Variants in CALN1 observed in about 807,000 individuals in gnomAD.
CALN1 encodes calneuron 1.
In CALN1, 17 loss-of-function variants were observed where a neutral mutation model predicts 30.6. That is an observed-to-expected ratio of 0.56 (90% confidence interval 0.38 to 0.83). CALN1 has a LOEUF of 0.83. CALN1 is among the 40% of genes least tolerant of loss of function. The pLI is 0.00. For synonymous variants in CALN1, 156 were observed against 131.4 expected, an observed-to-expected ratio of 1.19 and a Z score of -1.28; for missense variants, 291 against 354.9, an observed-to-expected ratio of 0.82 and a Z score of 1.45.
rs182245366 is a variant in CALN1 at position 72,241,539 on chromosome 7, T to C, written c.244+37147A>G. On this transcript the variant is annotated intron_variant, in intron 3 of 6. Coordinates refer to ENST00000395275, the MANE Select transcript of CALN1 (RefSeq NM_031468.4). ...CTGACCAACATAGAGAAACCCTGTC[T>C]CTACTAAAAATACAAAATTAGCCAG... Among the ~76,000 whole-genome samples the C allele has an allele frequency of 1.4e-3, 212 of 152,102 alleles. 1 individual carries two copies. Among genetic ancestry groups the C allele is most frequent in the African/African-American group, 4.9e-3 (202 of 41,498 alleles).
In CALN1 at chr7:72,169,494, T is replaced by TTA. The variant is rs1563117072; in HGVS notation, c.245-63201_245-63200insTA. ...GCCACCACACCCAGCTGATTATTTT[T>TTA]TTTTTTTTTTCAGATACAGAATCTT... is the stretch of plus-strand genomic sequence containing the variant. On this transcript the variant is annotated intron_variant, in intron 3 of 6. Coordinates refer to ENST00000395275, the MANE Select transcript of CALN1 (RefSeq NM_031468.4). 9.8e-4 allele frequency among the ~76,000 whole-genome samples: 143 copies of TTA among 145,690 alleles called. 3 individuals are homozygous for TTA. In the Middle Eastern group the frequency reaches 0.018, roughly 18 times the overall value.
intron 2 of CALN1, among the ~76,000 whole-genome samples, chr7:72,284,066 A>G (rs1019105882): frequency 6.6e-6 from 1 of 152,196 alleles, no homozygotes; most frequent in Admixed American, 6.5e-5. Flanking sequence ...TGATGCTGGA[A>G]GATTACTTGA....
chr7:71,815,085 G>A (rs961344325), intron 5 of CALN1, among the ~76,000 whole-genome samples: 1 of 151,944 alleles, frequency 6.6e-6, no homozygotes, highest in African/African-American at 2.4e-5. Flanking sequence ...TGCCCGGCTC[G>A]GCCTCCCAAA....
chr7:71,943,256 C>A (rs1419458331), intron 5 of CALN1, among the ~76,000 whole-genome samples: 1 of 152,190 alleles, frequency 6.6e-6, no homozygotes, highest in South Asian at 2.1e-4. Flanking sequence ...TTAAAACACA[C>A]ACGCGAAACA....
chr7:72,290,615 T>C (rs932459829), intron 2 of CALN1, among the ~76,000 whole-genome samples: 1 of 152,226 alleles, frequency 6.6e-6, no homozygotes, highest in Admixed American at 6.5e-5. Flanking sequence ...GAGTGGTTAC[T>C]GGTTCTTGAA....
the CALN1 span, among the ~76,000 whole-genome samples, chr7:72,472,025 G>A: frequency 1.3e-5 from 2 of 152,126 alleles, no homozygotes; most frequent in South Asian, 4.2e-4. Flanking sequence ...CAAACCCCTG[G>A]CCTCAAGAAA....
chr7:72,464,434 A>T, the CALN1 span, among the ~76,000 whole-genome samples: 9 of 152,194 alleles, frequency 5.9e-5, no homozygotes, highest in Non-Finnish European at 1.2e-4. Context: ...GATAATAGAA[A>T]TTCATATTCC....
At chr7:72,467,066 C>T in the CALN1 span, among the ~76,000 whole-genome samples, 1 of 152,198 alleles carries the variant, frequency 6.6e-6, no homozygotes, top group South Asian at 2.1e-4. Context: ...TAACATCCTC[C>T]ATTACCCCCA....
At chr7:71,827,802 A>ATAAATAAAT (rs1789017494) in intron 5 of CALN1, among the ~76,000 whole-genome samples, 1 of 151,222 alleles carries the variant, frequency 6.6e-6, no homozygotes, top group South Asian at 2.1e-4. Flanking sequence ...AAATAAATAA[A>ATAAATAAAT]TAAATAAATA....
intron 5 of CALN1, among the ~76,000 whole-genome samples, chr7:71,828,263 G>C (rs11981390): frequency 0.028 from 4,269 of 152,124 alleles, 209 homozygotes; most frequent in African/African-American, 0.097. Flanking sequence ...GAATGTGTGA[G>C]AACTCCAGAG....
intron 5 of CALN1, among the ~76,000 whole-genome samples, chr7:72,017,350 G>A (rs1189600569): frequency 6.6e-6 from 1 of 152,098 alleles, no homozygotes; most frequent in Non-Finnish European, 1.5e-5. Context: ...CACCAGATGA[G>A]TGAGGATTGG....
chr7:72,464,321 G>A, the CALN1 span, among the ~76,000 whole-genome samples: 2 of 152,226 alleles, frequency 1.3e-5, no homozygotes, highest in African/African-American at 2.4e-5. Flanking sequence ...AAAAAGAAGA[G>A]AAAAGGGTTT....
chr7:72,463,185 G>A, the CALN1 span, among the ~76,000 whole-genome samples: 7 of 152,244 alleles, frequency 4.6e-5, no homozygotes, highest in East Asian at 1.9e-4. Flanking sequence ...GCATTGGCAC[G>A]ATCTTGGCTC....
intron 3 of CALN1, among the ~76,000 whole-genome samples, chr7:72,228,739 A>ATT (rs1793862900): frequency 4.7e-5 from 7 of 149,252 alleles, no homozygotes; most frequent in Non-Finnish European, 8.9e-5. Context: ...CCTTATTTAT[A>ATT]TATTTATTTA....
chr7:71,787,708 AAG>A lies in CALN1; in HGVS notation c.*65_*66del. On this transcript the variant is annotated 3_prime_UTR_variant, in exon 7 of 7. Transcript: ENST00000395275. The stretch of plus-strand genomic sequence containing the variant: ...TAGGTCCGTGTCTGCTGTGTGGAGG[AAG>A]AGTCTGCCCGCACGGCATGCACATG... 6 of 1,590,938 alleles carry A rather than the reference AAG, an allele frequency of 3.8e-6. No individual in the cohort carries two copies. The highest frequency in any genetic ancestry group is 2.1e-4 in the Middle Eastern group (1 of 4,726).
chr7:72,076,056 C>G (rs1804705508), intron 4 of CALN1, among the ~76,000 whole-genome samples: 2 of 152,030 alleles, frequency 1.3e-5, no homozygotes, highest in Admixed American at 1.3e-4. Context: ...TATGAAATGC[C>G]AAGCTCTGTC....
At chr7:72,378,063 G>A (rs1312710821) in intron 2 of CALN1, among the ~76,000 whole-genome samples, 1 of 151,806 alleles carries the variant, frequency 6.6e-6, no homozygotes, top group African/African-American at 2.4e-5. Flanking sequence ...TTATCCATTG[G>A]CTTAAACAGC....
intron 3 of CALN1, among the ~76,000 whole-genome samples, chr7:72,187,436 G>A (rs1409027449): frequency 6.6e-6 from 1 of 152,160 alleles, no homozygotes; most frequent in African/African-American, 2.4e-5. Context: ...GGAGGTGAGG[G>A]AACATTACCT....
At chr7:72,030,603 G>T (rs771267791) in intron 4 of CALN1, among the ~76,000 whole-genome samples, 1 of 152,138 alleles carries the variant, frequency 6.6e-6, no homozygotes, top group African/African-American at 2.4e-5. Flanking sequence ...AATCTCAGAG[G>T]TAGGTTTTAC....
Sources: gnomAD v4.1 joint callset for allele counts (sites outside exome capture counted in the v4.1 genomes callset) on GRCh38, gnomAD v4.1.1 for gene constraint, MANE v1.5 for transcripts, NCBI Gene and HGNC (gene_info 2026-07-23, HGNC 2026-07-21) for gene names.